The following GPATCH2L variants were observed in gnomAD, a reference collection of about 807,000 sequenced individuals.
GPATCH2L encodes G patch domain-containing protein 2-like.
A neutral mutation model predicts 57.4 loss-of-function variants in GPATCH2L; 31 were observed. The observed-to-expected ratio is 0.54, with a 90% CI of 0.41 to 0.73. The LOEUF (loss-of-function observed/expected upper bound fraction) is 0.73. Ranked by LOEUF, GPATCH2L falls within the 30% of genes least tolerant of loss-of-function variation. GPATCH2L has a pLI of 0.00. For missense variants in GPATCH2L, 481 were observed against 599.9 expected, an observed-to-expected ratio of 0.80 and a Z score of 2.07; for synonymous variants, 199 against 210.7, an observed-to-expected ratio of 0.94 and a Z score of 0.48.
At chr14:76,170,343 C>T (rs1005697829) in intron 3 of GPATCH2L, among the ~76,000 whole-genome samples, 5 of 152,204 alleles carry the variant, frequency 3.3e-5, no homozygotes, top group African/African-American at 9.6e-5. Flanking sequence ...TTCAATTTTG[C>T]TATTTTGCAA....
At position 76,210,120 on chromosome 14, in the gene GPATCH2L, A is replaced by G. The variant is rs2040423453; in HGVS notation, c.*8269A>G. ...GGCTCCTTAGATATACTATCCTTGA[A>G]ACTATTAGGCCCCTGTCCAGAGTAC... On this transcript the variant is annotated 3_prime_UTR_variant, in exon 10 of 10. Coordinates refer to ENST00000261530, the MANE Select transcript of GPATCH2L (RefSeq NM_017926.4). 1 of 152,158 alleles carries G rather than the reference A, an allele frequency of 6.6e-6. No homozygotes were observed. Among genetic ancestry groups the G allele is most frequent in the African/African-American group, 2.4e-5 (1 of 41,430 alleles). 9.4% of individuals were successfully genotyped at this position (152,158 alleles called of 1,614,324 possible).
chr14:76,198,064 A>C (rs1229500938), intron 9 of GPATCH2L, among the ~76,000 whole-genome samples: 1 of 150,604 alleles, frequency 6.6e-6, no homozygotes, highest in East Asian at 2.0e-4. Flanking sequence ...TTTTGTACTA[A>C]TAGTAACAAA....
In GPATCH2L at chr14:76,202,970, C is replaced by CAG. The variant is rs2040334027; in HGVS notation, c.*1121_*1122dup. 1.3e-5 allele frequency: 2 copies of CAG among 152,284 alleles called. No individual in the cohort carries two copies. Among genetic ancestry groups the CAG allele is most frequent in the South Asian group, 4.1e-4 (2 of 4,822 alleles). 9.4% of individuals were successfully genotyped at this position (152,284 alleles called of 1,614,324 possible). A position where few individuals can be genotyped will look rare whatever the true frequency, so the allele number is the denominator to read the frequency against. On this transcript the variant is annotated 3_prime_UTR_variant, in exon 10 of 10. Coordinates refer to ENST00000261530, the MANE Select transcript of GPATCH2L (RefSeq NM_017926.4). Reference sequence around the variant, plus strand: ...GTCATTCATTCAGGGGCCTAGCTGACAGAAGGGCTCTTTTTTTTATACCAA... The same window carrying CAG: ...GTCATTCATTCAGGGGCCTAGCTGACAGAGAAGGGCTCTTTTTTTTATACCAA...
chr14:76,183,142 G>A (rs2039638209), intron 8 of GPATCH2L, among the ~76,000 whole-genome samples: 1 of 152,180 alleles, frequency 6.6e-6, no homozygotes, highest in Admixed American at 6.5e-5. Context: ...TCCTGTGGCT[G>A]GACTAGGCAT....
At chr14:76,176,714 C>G (rs1412610379) in intron 6 of GPATCH2L, 24 bp downstream of exon 6, 1 of 1,471,640 alleles carries the variant, frequency 6.8e-7, no homozygotes, top group South Asian at 1.1e-5. Context: ...TATTTACTGG[C>G]TGTGCTAGTC....
intron 2 of GPATCH2L, among the ~76,000 whole-genome samples, chr14:76,159,007 C>T (rs1458601143): frequency 6.6e-6 from 1 of 152,132 alleles, no homozygotes; most frequent in Non-Finnish European, 1.5e-5. Context: ...TTAAATGTTG[C>T]TGCGGTTAAA....
intron 2 of GPATCH2L, chr14:76,234,420 A>T (rs2040588560): frequency 6.6e-6 from 1 of 152,186 alleles, no homozygotes; most frequent in African/African-American, 2.4e-5. Context: ...AGCCAATAGG[A>T]TGTGGCAAAG....
At chr14:76,166,620 G>A in intron 2 of GPATCH2L, 43 bp from the exon 3 acceptor site, 6 of 1,380,292 alleles carry the variant, frequency 4.3e-6, no homozygotes, top group Non-Finnish European at 6.2e-6. Context: ...CTTTGTTTTT[G>A]ACTGGAGCTG....
At chr14:76,231,129 T>C (rs1474501486) in intron 2 of GPATCH2L, among the ~76,000 whole-genome samples, 3 of 152,244 alleles carry the variant, frequency 2.0e-5, no homozygotes, top group African/African-American at 7.2e-5. Flanking sequence ...CATTCCATTC[T>C]GCCAATAACA....
chr14:76,218,809 T>TA (rs960284724), downstream of GPATCH2L, among the ~76,000 whole-genome samples: 1 of 151,834 alleles, frequency 6.6e-6, no homozygotes, highest in Non-Finnish European at 1.5e-5. Flanking sequence ...TCTAAATACT[T>TA]ACGAGAATTG....
chr14:76,163,213 C>T (rs558295607), intron 2 of GPATCH2L, among the ~76,000 whole-genome samples: 1 of 152,252 alleles, frequency 6.6e-6, no homozygotes, highest in East Asian at 1.9e-4. Context: ...AAGCCCCTTT[C>T]CATTTGTAAC....
intron 9 of GPATCH2L, among the ~76,000 whole-genome samples, chr14:76,197,257 A>T (rs938041757): frequency 2.0e-5 from 3 of 152,252 alleles, no homozygotes; most frequent in African/African-American, 4.8e-5. Flanking sequence ...TCAGATCCTC[A>T]TTCAGTCTAT....
intron 1 of GPATCH2L, among the ~76,000 whole-genome samples, chr14:76,228,626 T>C (rs1291580382): frequency 3.3e-5 from 5 of 152,206 alleles, no homozygotes; most frequent in Non-Finnish European, 7.4e-5. Context: ...GCACAGCCCG[T>C]AGACTGTTTC....
chr14:76,185,731 A>T (rs1849904132), intron 8 of GPATCH2L, among the ~76,000 whole-genome samples: 1 of 152,190 alleles, frequency 6.6e-6, no homozygotes, highest in South Asian at 2.1e-4. Flanking sequence ...TTCCTTTGTA[A>T]ATAAACTGTT....
At chr14:76,182,317 A>T (rs1297879209) in intron 8 of GPATCH2L, among the ~76,000 whole-genome samples, 1 of 133,650 alleles carries the variant, frequency 7.5e-6, no homozygotes, top group Non-Finnish European at 1.5e-5. Context: ...AGATCGCGCC[A>T]CTGCACTCCA....
At chr14:76,190,507 C>T (rs551962354) in intron 8 of GPATCH2L, among the ~76,000 whole-genome samples, 1 of 152,084 alleles carries the variant, frequency 6.6e-6, no homozygotes, top group African/African-American at 2.4e-5. Context: ...GCGTATACCC[C>T]AGGTTTCGCT....
chr14:76,173,674 T>C lies in GPATCH2L; in HGVS notation c.984+49T>C, dbSNP rs1479068075. ...GGCTCAGTGGGGAGATAATATTCCC[T>C]ATGGGAGTTGTGTATCCTATTAACA... On this transcript the variant is annotated intron_variant, in intron 5 of 9. Coordinates refer to ENST00000261530, the MANE Select transcript of GPATCH2L (RefSeq NM_017926.4). 5 of 1,128,034 alleles carry C rather than the reference T, an allele frequency of 4.4e-6. No homozygotes were observed. The African/African-American group carries it at 6.1e-5, about 14-fold the overall frequency. The allele number at this position is 1,128,034 out of a possible 1,614,324, so 69.9% of individuals were successfully genotyped here.
At position 76,162,982 on chromosome 14, in the gene GPATCH2L, C is replaced by T. The variant is rs888676044; in HGVS notation, c.663-3681C>T. Among the ~76,000 whole-genome samples, 4 of 152,210 alleles carry T rather than the reference C, an allele frequency of 2.6e-5. No individual in the cohort carries two copies. The South Asian group carries it at 8.3e-4, about 32-fold the overall frequency. ...AAGCAAAGGAACACTTCTTCCCTAG[C>T]TCAATTAATCTGTTTGCATCTTCAG... On this transcript the variant is annotated intron_variant, in intron 2 of 9. Coordinates refer to ENST00000261530, the MANE Select transcript of GPATCH2L (RefSeq NM_017926.4).
chr14:76,160,125 CAG>C (rs2038509573), intron 2 of GPATCH2L, among the ~76,000 whole-genome samples: 2 of 152,144 alleles, frequency 1.3e-5, no homozygotes, highest in African/African-American at 2.4e-5. Flanking sequence ...GCCTGGGCGA[CAG>C]AGCGAGACTC....
Sources: gnomAD v4.1 joint callset for allele counts (sites outside exome capture counted in the v4.1 genomes callset) on GRCh38, gnomAD v4.1.1 for gene constraint, MANE v1.5 for transcripts, NCBI Gene and HGNC (gene_info 2026-07-23, HGNC 2026-07-21) for gene names.